Variants in QSER1 observed in about 807,000 individuals in gnomAD.
The protein encoded by QSER1 is glutamine and serine rich 1.
A neutral mutation model predicts 158.5 loss-of-function variants in QSER1; 49 were observed. The ratio of observed to expected loss-of-function variants is 0.31; its 90% CI spans 0.25 to 0.39. The LOEUF (loss-of-function observed/expected upper bound fraction) is 0.39, where lower values mean the gene tolerates loss of function less well. Ranked by LOEUF, QSER1 falls within the 10% of genes least tolerant of loss-of-function variation. QSER1 has a pLI of 1.00. For missense variants in QSER1, 1,754 were observed against 2,010.3 expected, an observed-to-expected ratio of 0.87 and a Z score of 2.44; for synonymous variants, 650 against 715.5, an observed-to-expected ratio of 0.91 and a Z score of 1.46.
At chr11:32,960,842 G>A (rs1852610733) in intron 8 of QSER1, among the ~76,000 whole-genome samples, 1 of 152,098 alleles carries the variant, frequency 6.6e-6, no homozygotes. Context: ...GCTAAAGAAT[G>A]TATTTAGTTC....
At chr11:32,948,485 T>C (rs1852371987) in intron 4 of QSER1, among the ~76,000 whole-genome samples, 1 of 152,088 alleles carries the variant, frequency 6.6e-6, no homozygotes, top group Admixed American at 6.5e-5. Flanking sequence ...AACAGTTAGG[T>C]GGGCATGTTG....
In QSER1 at chr11:32,901,253, A is replaced by G. The variant is rs545664154; in HGVS notation, c.209+7919A>G. On this transcript the variant is annotated intron_variant, in intron 1 of 12. Coordinates refer to ENST00000650167, the MANE Select transcript of QSER1 (RefSeq NM_001076786.3). ...TTTAGAGTGATGTCTAGCATATAGGATAGCATATAGATTATTAACTTTATT... is the reference window on the plus strand; with the variant it reads ...TTTAGAGTGATGTCTAGCATATAGGGTAGCATATAGATTATTAACTTTATT... Among the ~76,000 whole-genome samples, 19 of 152,348 alleles carry G rather than the reference A, an allele frequency of 1.2e-4. No individual in the cohort carries two copies. The South Asian group carries it at 3.9e-3, about 32-fold the overall frequency.
At chr11:32,916,295 A>C (rs779204289) in intron 1 of QSER1, among the ~76,000 whole-genome samples, 2 of 152,232 alleles carry the variant, frequency 1.3e-5, no homozygotes, top group Non-Finnish European at 2.9e-5. Flanking sequence ...ACAAGGTTGT[A>C]CAACCATCAC....
At chr11:32,916,383 C>T (rs899087089) in intron 1 of QSER1, among the ~76,000 whole-genome samples, 1 of 152,140 alleles carries the variant, frequency 6.6e-6, no homozygotes, top group African/African-American at 2.4e-5. Flanking sequence ...CTAGTTTCCC[C>T]TCTCCCCAGA....
At chr11:32,943,091 G>A (rs1202655697) in intron 4 of QSER1, among the ~76,000 whole-genome samples, 1 of 151,432 alleles carries the variant, frequency 6.6e-6, no homozygotes. Flanking sequence ...TTTGTATCCT[G>A]AGACTTTGCT....
At chr11:32,922,479 A>ATTT (rs57185302) in intron 1 of QSER1, among the ~76,000 whole-genome samples, 54 of 97,138 alleles carry the variant, frequency 5.6e-4, no homozygotes, top group African/African-American at 1.7e-3. Flanking sequence ...AGAATGGCTA[A>ATTT]TTTTTTTTTT....
At chr11:32,947,897 C>T (rs1053006016) in intron 4 of QSER1, among the ~76,000 whole-genome samples, 1 of 152,126 alleles carries the variant, frequency 6.6e-6, no homozygotes, top group African/African-American at 2.4e-5. Flanking sequence ...TACTGTCATA[C>T]TAATGTTGTT....
At chr11:32,915,542 A>G (rs1229070500) in intron 1 of QSER1, among the ~76,000 whole-genome samples, 1 of 152,218 alleles carries the variant, frequency 6.6e-6, no homozygotes, top group African/African-American at 2.4e-5. Context: ...ATCTTACATA[A>G]ATGTACCTAT....
At chr11:32,976,264 C>CAA in intron 12 of QSER1, 70 bp from the exon 13 acceptor site, 1 of 1,290,052 alleles carries the variant, frequency 7.8e-7, no homozygotes, top group South Asian at 1.7e-5. Flanking sequence ...AAATAAAATA[C>CAA]CAGTACTTGT....
chr11:32,929,643 C>T (rs553650471), intron 3 of QSER1, among the ~76,000 whole-genome samples: 2 of 152,168 alleles, frequency 1.3e-5, no homozygotes, highest in East Asian at 3.9e-4. Flanking sequence ...ACATACACAA[C>T]ATATAAATAC....
At position 32,977,670 on chromosome 11, in the gene QSER1, G is replaced by A. The variant is rs1429127582; in HGVS notation, c.*1196G>A. On this transcript the variant is annotated 3_prime_UTR_variant, in exon 13 of 13. Coordinates refer to ENST00000650167, the MANE Select transcript of QSER1 (RefSeq NM_001076786.3). ...GTAGCTTTCTTAGGTTTGATAGGTA[G>A]CGTTTCAAGTAGTTTAGCTGAGACA... The A allele has an allele frequency of 2.0e-5, 3 of 152,578 alleles. No homozygotes were observed. In the South Asian group the frequency reaches 6.2e-4, roughly 32 times the overall value. 9.5% of individuals were successfully genotyped at this position (152,578 alleles called of 1,614,324 possible).
chr11:32,965,284 A>T lies in QSER1; in HGVS notation c.4970-1016A>T, dbSNP rs945857788. On this transcript the variant is annotated intron_variant, in intron 8 of 12. Coordinates refer to ENST00000650167, the MANE Select transcript of QSER1 (RefSeq NM_001076786.3). Reference sequence around the variant, plus strand: ...ATGCCACCACACACGTGGCTAATTTATATTTTTTTTAATTGAAACGATGTC... The same window carrying T: ...ATGCCACCACACACGTGGCTAATTTTTATTTTTTTTAATTGAAACGATGTC... Among the ~76,000 whole-genome samples, 11 of 151,402 alleles carry T rather than the reference A, an allele frequency of 7.3e-5. No homozygotes were observed. The East Asian group carries it at 2.0e-3, about 27-fold the overall frequency.
At chr11:32,971,518 C>A (rs1852856292) in intron 10 of QSER1, among the ~76,000 whole-genome samples, 1 of 152,112 alleles carries the variant, frequency 6.6e-6, no homozygotes, top group Non-Finnish European at 1.5e-5. Flanking sequence ...AATTTAGAAT[C>A]TTTAGACTTT....
chr11:32,934,097 A>G lies in QSER1; in HGVS notation c.2839A>G (p.Thr947Ala). Reference protein sequence around the residue: ...HLTTKGHFSETNQHDSKNQFV... With the variant: ...HLTTKGHFSEANQHDSKNQFV... ...AACAACAAAGGGCCATTTTAGTGAA[A>G]CAAATCAACATGATTCAAAGAATCA... The change falls in exon 4 of 13, where the codon ACA (threonine) becomes GCA (alanine). Residue 947 changes from threonine to alanine, a missense_variant. Thr to Ala is a moderately conservative substitution (Grantham distance 58, BLOSUM62 0). Coordinates refer to ENST00000650167, the MANE Select transcript of QSER1 (RefSeq NM_001076786.3). 6.2e-7 allele frequency: 1 copy of G among 1,614,058 alleles called. No individual in the cohort carries two copies. Among genetic ancestry groups the G allele is most frequent in the Non-Finnish European group, 8.5e-7 (1 of 1,180,000 alleles).
At chr11:32,918,067 C>T (rs1314613432) in intron 1 of QSER1, among the ~76,000 whole-genome samples, 1 of 152,014 alleles carries the variant, frequency 6.6e-6, no homozygotes, top group Non-Finnish European at 1.5e-5. Context: ...ATCCCTAGTC[C>T]TTAACAGGAT....
At chr11:32,922,177 T>G (rs1339431692) in intron 1 of QSER1, among the ~76,000 whole-genome samples, 2 of 152,166 alleles carry the variant, frequency 1.3e-5, no homozygotes, top group African/African-American at 4.8e-5. Flanking sequence ...AGATCTTAAA[T>G]TAGGCAAAGA....
intron 4 of QSER1, among the ~76,000 whole-genome samples, chr11:32,936,399 G>T (rs1852154381): frequency 6.6e-6 from 1 of 152,122 alleles, no homozygotes; most frequent in Admixed American, 6.5e-5. Flanking sequence ...GTATTCCATG[G>T]TGTATATGTG....
rs374908236 is a variant in QSER1, at chr11:32,976,507, C to T, written c.*33C>T. 1 of 1,606,772 alleles carries T rather than the reference C, an allele frequency of 6.2e-7. No homozygotes were observed. Among genetic ancestry groups the T allele is most frequent in the East Asian group, 2.2e-5 (1 of 44,634 alleles). ...ACAAAAATCCCATCTTTTTATAGCA[C>T]TAATGAAATGGCAGATATGGGGTGG... On this transcript the variant is annotated 3_prime_UTR_variant, in exon 13 of 13. Transcript: ENST00000650167.
chr11:32,909,607 T>C (rs1476609679), intron 1 of QSER1, among the ~76,000 whole-genome samples: 1 of 151,964 alleles, frequency 6.6e-6, no homozygotes, highest in African/African-American at 2.4e-5. Context: ...GCCTGGCCAG[T>C]TTTTTTGTAT....
Sources: allele counts gnomAD v4.1 joint callset (sites outside exome capture counted in the v4.1 genomes callset), GRCh38; gene constraint gnomAD v4.1.1; transcripts MANE v1.5; gene names NCBI Gene and HGNC (gene_info 2026-07-23, HGNC 2026-07-21).